Variants in RPS6KA2 observed in about 807,000 individuals in gnomAD.
RPS6KA2 encodes ribosomal protein S6 kinase A2, also known as ribosomal protein S6 kinase alpha-2.
Under a neutral mutation model 91.8 loss-of-function variants are expected in RPS6KA2, and 42 were observed. The observed-to-expected ratio is 0.46, with a 90% CI of 0.36 to 0.59. The LOEUF (loss-of-function observed/expected upper bound fraction) is 0.59. Among genes scored for constraint, RPS6KA2 ranks in the 20% least tolerant of loss-of-function variants. The probability of loss-of-function intolerance (pLI) is 0.00; values close to 1 mark genes in which losing one functional copy is unlikely to be tolerated. For synonymous variants in RPS6KA2, 414 were observed against 393.6 expected, an observed-to-expected ratio of 1.05 and a Z score of -0.61; for missense variants, 798 against 978.5, an observed-to-expected ratio of 0.82 and a Z score of 2.46.
chr6:166,531,329 C>T lies in RPS6KA2; in HGVS notation c.217-16G>A, dbSNP rs150913955. The T allele has an allele frequency of 3.3e-3, 5,343 of 1,602,798 alleles. 16 individuals are homozygous for T. Among genetic ancestry groups the T allele is most frequent in the Non-Finnish European group, 4.1e-3 (4,810 of 1,169,704 alleles). Reference sequence around the variant, plus strand: ...CCAGGAACACCTTAGCAAGAGAAAACGGAACATCAGAAACCCGTAAGACTT... The same window carrying T: ...CCAGGAACACCTTAGCAAGAGAAAATGGAACATCAGAAACCCGTAAGACTT... On this transcript the variant is annotated splice_polypyrimidine_tract_variant and intron_variant, in intron 2 of 20. Transcript: ENST00000265678.
Position 166,686,232 on chromosome 6 carries a change from A to G in RPS6KA2, c.124-147448T>C, listed in dbSNP as rs897880083. ...GCCAGGAACAGGAGTCAGGGTGCAT[A>G]TCGGGCACCAGGCATGAGGATTTGT... On this transcript the variant is annotated intron_variant, in intron 2 of 21. Transcript: ENST00000503859. 2.0e-5 allele frequency among the ~76,000 whole-genome samples: 3 copies of G among 152,110 alleles called. No individual in the cohort carries two copies. In the South Asian group the frequency reaches 6.2e-4, roughly 32 times the overall value.
chr6:166,656,797 G>A (rs1788014346), intron 2 of RPS6KA2, among the ~76,000 whole-genome samples: 1 of 152,222 alleles, frequency 6.6e-6, no homozygotes, highest in African/African-American at 2.4e-5. Context: ...CCTGGCTCAG[G>A]TAGGTGCCAT....
At chr6:166,778,623 G>A (rs992400938) in intron 2 of RPS6KA2, among the ~76,000 whole-genome samples, 1 of 152,146 alleles carries the variant, frequency 6.6e-6, no homozygotes, top group Non-Finnish European at 1.5e-5. Context: ...AAAATTAGAC[G>A]GTTGTGGTGG....
intron 1 of RPS6KA2, among the ~76,000 whole-genome samples, chr6:166,593,980 C>T (rs1785443151): frequency 6.6e-6 from 1 of 152,180 alleles, no homozygotes; most frequent in African/African-American, 2.4e-5. Flanking sequence ...CAATTCCATT[C>T]CCGACAATTT....
At chr6:166,756,979 G>C (rs1778029116) in intron 2 of RPS6KA2, among the ~76,000 whole-genome samples, 1 of 152,156 alleles carries the variant, frequency 6.6e-6, no homozygotes, top group Admixed American at 6.5e-5. Context: ...TGGCGGTGGT[G>C]GTGGCTGCCC....
chr6:166,497,772 G>A (rs1369996439), intron 8 of RPS6KA2, among the ~76,000 whole-genome samples: 4 of 152,246 alleles, frequency 2.6e-5, no homozygotes, highest in Non-Finnish European at 5.9e-5. Context: ...TCTGCCACAC[G>A]CCAGCGGAGC....
chr6:166,853,968 C>T (rs781635860), intron 2 of RPS6KA2, among the ~76,000 whole-genome samples: 3 of 152,236 alleles, frequency 2.0e-5, no homozygotes, highest in Admixed American at 6.5e-5. Context: ...TTTTCTTCCA[C>T]GACTGTGATG....
intron 2 of RPS6KA2, among the ~76,000 whole-genome samples, chr6:166,782,161 G>A (rs899551031): frequency 6.6e-6 from 1 of 152,048 alleles, no homozygotes; most frequent in African/African-American, 2.4e-5. Flanking sequence ...GTGTAGTGGT[G>A]AGCGCCTGTA....
In RPS6KA2 at chr6:166,490,662, A is replaced by G. The variant is rs1281777809; in HGVS notation, c.818+9T>C. The G allele has an allele frequency of 6.2e-7, 1 of 1,602,712 alleles. No individual in the cohort carries two copies. Among genetic ancestry groups the G allele is most frequent in the Non-Finnish European group, 8.5e-7 (1 of 1,171,976 alleles). On this transcript the variant is annotated intron_variant, in intron 9 of 20. Coordinates refer to ENST00000265678, the MANE Select transcript of RPS6KA2 (RefSeq NM_021135.6). The surrounding 1 kb of genome is among the most constrained non-coding windows in gnomAD (Gnocchi z 4.2). ...CGCAGGTCTCTGGGGTGGCTCCCACACTACTCACTTGAGGATGAGAGCCAT... is the reference window on the plus strand; with the variant it reads ...CGCAGGTCTCTGGGGTGGCTCCCACGCTACTCACTTGAGGATGAGAGCCAT...
In RPS6KA2 at chr6:166,648,099, TACAC is replaced by T. The variant is rs746939584; in HGVS notation, c.124-109319_124-109316del. Among the ~76,000 whole-genome samples the T allele has an allele frequency of 5.6e-4, 60 of 106,246 alleles. No homozygotes were observed. Among genetic ancestry groups the T allele is most frequent in the South Asian group, 3.1e-3 (9 of 2,882 alleles). The allele number at this position is 106,246 out of a possible 152,430, so 69.7% of individuals were successfully genotyped here. A position where few individuals can be genotyped will look rare whatever the true frequency, so the allele number is the denominator to read the frequency against. Reference sequence around the variant, plus strand: ...GCACATGGTCATACACACACGCTCATACACACACGTGCACACACACGCTCATACA... The same window carrying T: ...GCACATGGTCATACACACACGCTCATACACGTGCACACACACGCTCATACA... On this transcript the variant is annotated intron_variant, in intron 2 of 21. Coordinates refer to the RPS6KA2 transcript ENST00000503859. This position sits in a 1 kb window ranked among gnomAD's most constrained non-coding sequence, Gnocchi z 4.8.
chr6:166,645,145 G>A (rs554627465), intron 2 of RPS6KA2, among the ~76,000 whole-genome samples: 9 of 152,288 alleles, frequency 5.9e-5, no homozygotes, highest in South Asian at 4.1e-4. Flanking sequence ...GAAAATGAAC[G>A]AAACTACTTA....
chr6:166,489,828 T>G (rs1052329835), intron 9 of RPS6KA2, among the ~76,000 whole-genome samples: 1 of 152,004 alleles, frequency 6.6e-6, no homozygotes, highest in Non-Finnish European at 1.5e-5. Flanking sequence ...GCTGGTGGTG[T>G]TTTAGGTGAT....
At position 166,561,361 on chromosome 6, in the gene RPS6KA2, C is replaced by T. The variant is rs76298849; in HGVS notation, c.100-22577G>A. Among the ~76,000 whole-genome samples, 1,148 of 152,188 alleles carry T rather than the reference C, an allele frequency of 7.5e-3. 5 individuals are homozygous for T. The highest frequency in any genetic ancestry group is 0.013 in the Non-Finnish European group (909 of 67,998). On this transcript the variant is annotated intron_variant, in intron 1 of 20. Coordinates refer to ENST00000265678, the MANE Select transcript of RPS6KA2 (RefSeq NM_021135.6). ...GAACACTTGGTCTTGCTCCTTCCTC[C>T]CCTCCACCATTCTTCAGCTTGTCCC...
At chr6:166,526,341 CTTT>C (rs10616497) in intron 3 of RPS6KA2, among the ~76,000 whole-genome samples, 200 of 101,838 alleles carry the variant, frequency 2.0e-3, no homozygotes, top group African/African-American at 6.9e-3. Flanking sequence ...GTTTATATGG[CTTT>C]TTTTTTTTTT....
In RPS6KA2 at chr6:166,554,621, TG is replaced by T. The variant is rs1452890656; in HGVS notation, c.100-15838del. Among the ~76,000 whole-genome samples, 3 of 151,324 alleles carry T rather than the reference TG, an allele frequency of 2.0e-5. No individual in the cohort carries two copies. Among genetic ancestry groups the T allele is most frequent in the Non-Finnish European group, 4.4e-5 (3 of 67,870 alleles). ...TGGCACGCGGGTGGCCATGGGGGGG[TG>T]GGGGTCCCACTCCAGCACAGGACTC... On this transcript the variant is annotated intron_variant, in intron 1 of 20. Coordinates refer to ENST00000265678, the MANE Select transcript of RPS6KA2 (RefSeq NM_021135.6). The surrounding 1 kb of genome is among the most constrained non-coding windows in gnomAD (Gnocchi z 4.3).
chr6:166,793,276 C>T (rs2128614925), intron 2 of RPS6KA2, among the ~76,000 whole-genome samples: 1 of 146,374 alleles, frequency 6.8e-6, no homozygotes, highest in East Asian at 2.0e-4. Context: ...GAATAAAATA[C>T]CTAGGAATCC....
rs1782356823 is a variant in RPS6KA2, at chr6:166,508,763, C to T, written c.380-481G>A. ...CCCCGCTTGCCTTCCTCTCTTGAGG[C>T]AGTTCTGGTGATAGGTCAGCCCAGT... is the stretch of plus-strand genomic sequence containing the variant. On this transcript the variant is annotated intron_variant, in intron 4 of 20. Coordinates refer to ENST00000265678, the MANE Select transcript of RPS6KA2 (RefSeq NM_021135.6). The surrounding 1 kb of genome is among the most constrained non-coding windows in gnomAD (Gnocchi z 4.3). Among the ~76,000 whole-genome samples the T allele has an allele frequency of 6.6e-6, 1 of 152,196 alleles. No individual in the cohort carries two copies. Among genetic ancestry groups the T allele is most frequent in the East Asian group, 1.9e-4 (1 of 5,190 alleles).
chr6:166,458,698 A>C (rs1780179452), intron 12 of RPS6KA2, among the ~76,000 whole-genome samples: 1 of 152,184 alleles, frequency 6.6e-6, no homozygotes, highest in Admixed American at 6.5e-5. Context: ...GCTGTCTGCA[A>C]GTCAAGGCGA....
At chr6:166,546,918 C>T (rs1266783948) in intron 1 of RPS6KA2, among the ~76,000 whole-genome samples, 1 of 152,142 alleles carries the variant, frequency 6.6e-6, no homozygotes, top group African/African-American at 2.4e-5. Context: ...GAACGCTGAG[C>T]TGGTGGGCTC....
Sources: allele counts gnomAD v4.1 joint callset (sites outside exome capture counted in the v4.1 genomes callset), GRCh38; gene constraint gnomAD v4.1.1; non-coding constraint Gnocchi (gnomAD v3.1); transcripts MANE v1.5; gene names NCBI Gene and HGNC (gene_info 2026-07-23, HGNC 2026-07-21).